Variants in CACNA1E observed in about 807,000 individuals in gnomAD.
CACNA1E encodes voltage-dependent R-type calcium channel subunit alpha-1E.
In CACNA1E, 40 loss-of-function variants were observed where a neutral mutation model predicts 259.2. The ratio of observed to expected loss-of-function variants is 0.15; its 90% CI spans 0.12 to 0.20. The LOEUF (loss-of-function observed/expected upper bound fraction) is 0.20, where lower values mean the gene tolerates loss of function less well. Among genes scored for constraint, CACNA1E ranks in the 10% least tolerant of loss-of-function variants. The pLI, the probability that CACNA1E is intolerant of heterozygous loss-of-function variation, is 1.00. For missense variants in CACNA1E, 1,874 were observed against 3,040.1 expected (o/e 0.62, Z 9.02); for synonymous variants, 1,104 against 1,138.5 (o/e 0.97, Z 0.61).
chr1:181,397,730 C>G lies in CACNA1E; in HGVS notation c.-14-15403C>G, dbSNP rs565361336. Among the ~76,000 whole-genome samples, 54 of 152,316 alleles carry G rather than the reference C, an allele frequency of 3.5e-4. 1 individual carries two copies. Among genetic ancestry groups the G allele is most frequent in the African/African-American group, 1.3e-3 (54 of 41,568 alleles). On this transcript the variant is annotated intron_variant, in intron 1 of 11. Transcript: ENST00000524607. ...AGCTCCAGGACCTGGTGTCCCTCCCCCTCATCCCGTCTTGTCCTTCCCTCT... is the reference window on the plus strand; with the variant it reads ...AGCTCCAGGACCTGGTGTCCCTCCCGCTCATCCCGTCTTGTCCTTCCCTCT...
chr1:181,641,354 C>T (rs1657728849), intron 6 of CACNA1E, among the ~76,000 whole-genome samples: 1 of 152,180 alleles, frequency 6.6e-6, no homozygotes, highest in Non-Finnish European at 1.5e-5. Flanking sequence ...CAATTTATGC[C>T]ACCATTCAGG....
At chr1:181,676,555 T>A (rs562444715) in intron 7 of CACNA1E, among the ~76,000 whole-genome samples, 2 of 152,144 alleles carry the variant, frequency 1.3e-5, no homozygotes, top group Admixed American at 1.3e-4. Context: ...GCTCTGTGTC[T>A]GGCACACAGT....
chr1:181,600,795 G>A (rs1326330187), intron 6 of CACNA1E, among the ~76,000 whole-genome samples: 2 of 152,148 alleles, frequency 1.3e-5, no homozygotes, highest in Non-Finnish European at 2.9e-5. Flanking sequence ...ATCTGAGTCT[G>A]GAGCTGGGTC....
intron 44 of CACNA1E, among the ~76,000 whole-genome samples, chr1:181,791,756 T>C (rs1661330520): frequency 6.6e-6 from 1 of 151,574 alleles, no homozygotes; most frequent in South Asian, 2.1e-4. Flanking sequence ...ACTAAGTGAG[T>C]TCCATATCAT....
rs116096222 is a variant in CACNA1E, at chr1:181,681,259, C to T, written c.1056-29695C>T. ...TCAGATCCATGTCCCCAACTTCTGC[C>T]TCTCCTGTGCTGCAAAGCCGTATTT... is the stretch of plus-strand genomic sequence containing the variant. On this transcript the variant is annotated intron_variant, in intron 7 of 47. Coordinates refer to ENST00000367573, the MANE Select transcript of CACNA1E (RefSeq NM_001205293.3). Among the ~76,000 whole-genome samples, 2 of 152,286 alleles carry T rather than the reference C, an allele frequency of 1.3e-5. 1 individual carries two copies. The highest frequency in any genetic ancestry group is 2.9e-5 in the Non-Finnish European group (2 of 68,022).
intron 1 of CACNA1E, among the ~76,000 whole-genome samples, chr1:181,334,310 C>G (rs12403307): frequency 1.3e-5 from 2 of 152,312 alleles, no homozygotes; most frequent in Admixed American, 6.5e-5. Context: ...GGGTGCAGTC[C>G]TAAGGCCTCT....
intron 25 of CACNA1E, among the ~76,000 whole-genome samples, chr1:181,748,572 G>A (rs1657316806): frequency 6.6e-6 from 1 of 152,094 alleles, no homozygotes. Context: ...TGGGGTGTGT[G>A]ATCCTAGATC....
intron 2 of CACNA1E, among the ~76,000 whole-genome samples, chr1:181,477,098 G>A (rs1162732872): frequency 6.6e-6 from 1 of 152,130 alleles, no homozygotes; most frequent in Admixed American, 6.5e-5. Flanking sequence ...TACATTGAAA[G>A]AAAATAAAAA....
intron 5 of CACNA1E, among the ~76,000 whole-genome samples, chr1:181,579,859 G>A (rs776007435): frequency 7.2e-5 from 11 of 152,220 alleles, no homozygotes; most frequent in Admixed American, 3.3e-4. Flanking sequence ...CCATCTTCTC[G>A]CTCTCTGTTT....
intron 2 of CACNA1E, among the ~76,000 whole-genome samples, chr1:181,460,365 G>A (rs1024136985): frequency 6.6e-6 from 1 of 152,188 alleles, no homozygotes; most frequent in Non-Finnish European, 1.5e-5. Flanking sequence ...TGGTGGTCAT[G>A]AGCCTGTGTG....
chr1:181,636,556 T>G (rs1657230838), intron 6 of CACNA1E, among the ~76,000 whole-genome samples: 1 of 152,138 alleles, frequency 6.6e-6, no homozygotes. Context: ...GACCTCAATG[T>G]GGGGATTAGA....
chr1:181,330,514 G>T (rs528730099), intron 1 of CACNA1E, among the ~76,000 whole-genome samples: 166 of 152,318 alleles, frequency 1.1e-3, no homozygotes, highest in Non-Finnish European at 1.6e-3. Flanking sequence ...CCCGAGTTCC[G>T]TGTGTGGCTG....
At chr1:181,411,942 A>G (rs1250326044) in intron 1 of CACNA1E, among the ~76,000 whole-genome samples, 1 of 152,270 alleles carries the variant, frequency 6.6e-6, no homozygotes, top group Non-Finnish European at 1.5e-5. Flanking sequence ...TCTAGCAATC[A>G]GGCCTACGCC....
chr1:181,474,300 G>T (rs1662703644), intron 2 of CACNA1E, among the ~76,000 whole-genome samples: 2 of 152,194 alleles, frequency 1.3e-5, no homozygotes, highest in African/African-American at 4.8e-5. Context: ...GCATGTATAT[G>T]TGTGTGTCCA....
At chr1:181,700,906 C>G (rs3766990) in intron 7 of CACNA1E, among the ~76,000 whole-genome samples, 122,249 of 152,130 alleles carry the variant, frequency 0.8, 49,382 homozygotes, top group Non-Finnish European at 0.85. Context: ...GCTCCCCCTG[C>G]TCCATTTTCC....
intron 2 of CACNA1E, among the ~76,000 whole-genome samples, chr1:181,477,566 C>A (rs1662943611): frequency 6.6e-6 from 1 of 152,210 alleles, no homozygotes; most frequent in Admixed American, 6.5e-5. Context: ...GGTCTCCAGA[C>A]ACTGGTCTCT....
chr1:181,390,150 G>T (rs1656152453), intron 1 of CACNA1E, among the ~76,000 whole-genome samples: 1 of 152,154 alleles, frequency 6.6e-6, no homozygotes, highest in African/African-American at 2.4e-5. Context: ...TGTGTCCACT[G>T]TTCAGAAGAG....
At chr1:181,448,058 A>G (rs547709943) in intron 2 of CACNA1E, among the ~76,000 whole-genome samples, 63 of 152,226 alleles carry the variant, frequency 4.1e-4, no homozygotes, top group Non-Finnish European at 7.9e-4. Flanking sequence ...CTTCATTTTA[A>G]GGTCAGCTGA....
chr1:181,357,474 C>A (rs1208899850), intron 1 of CACNA1E, among the ~76,000 whole-genome samples: 1 of 151,490 alleles, frequency 6.6e-6, no homozygotes, highest in Non-Finnish European at 1.5e-5. Flanking sequence ...TGGGCTACCA[C>A]CCTTTGTAGT....
Sources: gnomAD v4.1 joint callset for allele counts (sites outside exome capture counted in the v4.1 genomes callset) on GRCh38, gnomAD v4.1.1 for gene constraint, MANE v1.5 for transcripts, NCBI Gene and HGNC (gene_info 2026-07-23, HGNC 2026-07-21) for gene names.